RAD54L: variants seen among roughly 807,000 people sequenced by gnomAD.
RAD54L encodes the protein RAD54 like.
RAD54L carries 74 observed loss-of-function variants against 91.6 expected under a neutral mutation model. That is an observed-to-expected ratio of 0.81 (90% CI 0.67 to 0.98). The LOEUF (loss-of-function observed/expected upper bound fraction) is 0.98, where lower values mean the gene tolerates loss of function less well. Ranked by LOEUF, RAD54L falls within the 50% of genes least tolerant of loss-of-function variation. RAD54L has a pLI of 0.00. For missense variants in RAD54L, 887 were observed against 945.7 expected, an observed-to-expected ratio of 0.94 and a Z score of 0.81; for synonymous variants, 304 against 349.7, an observed-to-expected ratio of 0.87 and a Z score of 1.46.
Position 46,267,498 on chromosome 1 carries a change from G to A in RAD54L, c.931G>A (p.Ala311Thr). Reference sequence around the variant, plus strand: ...GAACTCTGAGAATCAGACTTACCAAGCCCTGGACAGCTTGAACACCAGCCG... The same window carrying A: ...GAACTCTGAGAATCAGACTTACCAAACCCTGGACAGCTTGAACACCAGCCG... ...LKNSENQTYQ[A>T]LDSLNTSRRV... is the part of the protein sequence containing the mutation. The change falls in exon 9 of 18, where the codon GCC becomes ACC. Residue 311 changes from alanine (A) to threonine (T), a missense_variant. Ala to Thr is a moderately conservative substitution (Grantham distance 58). Transcript: ENST00000371975. The A allele has an allele frequency of 6.2e-7, 1 of 1,614,160 alleles. No homozygotes were observed. The highest frequency in any genetic ancestry group is 2.2e-5 in the East Asian group (1 of 44,880).
At chr1:46,271,331 GCCTGGCTA>G (rs1660420198) in intron 10 of RAD54L, among the ~76,000 whole-genome samples, 1 of 152,104 alleles carries the variant, frequency 6.6e-6, no homozygotes. Flanking sequence ...CCCAACAACT[GCCTGGCTA>G]CCTGGCTACC....
At position 46,273,711 on chromosome 1, in the gene RAD54L, C is replaced by T; in HGVS notation, c.1574C>T (p.Thr525Ile). 2 of 1,612,488 alleles carry T rather than the reference C, an allele frequency of 1.2e-6. No homozygotes were observed. The highest frequency in any genetic ancestry group is 1.7e-6 in the Non-Finnish European group (2 of 1,179,314). The stretch of plus-strand genomic sequence containing the variant: ...GTGCTGGTGTCGAATTACACCCAGA[C>T]TTTGGATCTCTTTGAGAAGCTGTGC... ...KVVLVSNYTQ[T>I]LDLFEKLCRA... Residue 525 changes from threonine (T) to isoleucine (I), a missense_variant, in exon 14 of 18, where the codon ACT (threonine) becomes ATT (isoleucine). Coordinates refer to ENST00000371975, the MANE Select transcript of RAD54L (RefSeq NM_003579.4).
rs1660658627 is a variant in RAD54L at position 46,277,829 on chromosome 1, G to A, written c.1882G>A (p.Glu628Lys). ...TCCTCTTCCCCAGGCAGGGACCATT[G>A]AGGAGAAGATCTTCCAGCGTCAGAG... is the stretch of plus-strand genomic sequence containing the variant. ...IYRLLSAGTI[E>K]EKIFQRQSHK... Residue 628 changes from glutamate (E) to lysine (K), a missense_variant, in exon 17 of 18, where the codon GAG (glutamate) becomes AAG (lysine). Transcript: ENST00000371975. 1 of 1,609,164 alleles carries A rather than the reference G, an allele frequency of 6.2e-7. No individual in the cohort carries two copies. Among genetic ancestry groups the A allele is most frequent in the Non-Finnish European group, 8.5e-7 (1 of 1,175,878 alleles).
Position 46,250,029 on chromosome 1 carries a change from G to A in RAD54L, c.120G>A (p.Glu40=). The change falls in exon 3 of 18, where the codon GAG becomes GAA. Residue 40 remains glutamate (E), a synonymous_variant. Coordinates refer to ENST00000371975, the MANE Select transcript of RAD54L (RefSeq NM_003579.4). The part of the protein sequence containing the change: ...VTPRKRKSSS[E]TQIQECFLSP... Reference sequence around the variant, plus strand: ...CTAGGAAACGGAAATCCAGCAGTGAGACCCAGATCCAGGAGTGTTTCCTGT... The same window carrying A: ...CTAGGAAACGGAAATCCAGCAGTGAAACCCAGATCCAGGAGTGTTTCCTGT... 6.2e-7 allele frequency: 1 copy of A among 1,614,100 alleles called. No homozygotes were observed. Among genetic ancestry groups the A allele is most frequent in the Non-Finnish European group, 8.5e-7 (1 of 1,179,968 alleles).
At chr1:46,258,884 C>T in intron 4 of RAD54L, 138 bp downstream of exon 4, 2 of 709,496 alleles carry the variant, frequency 2.8e-6, no homozygotes, top group South Asian at 3.1e-5. Context: ...TTGGGGTGAC[C>T]CTCCTGAGGC....
Position 46,250,001 on chromosome 1 carries a change from C to T in RAD54L, c.92C>T (p.Thr31Ile). The change falls in exon 3 of 18, where the codon ACT (threonine) becomes ATT (isoleucine). Residue 31 changes from threonine (T) to isoleucine (I), a missense_variant and splice_region_variant. Physicochemically the swap from Thr to Ile is moderately conservative, Grantham distance 89. Coordinates refer to ENST00000371975, the MANE Select transcript of RAD54L (RefSeq NM_003579.4). Reference protein sequence around the residue: ...DDEDWQPGLVTPRKRKSSSET... With the variant: ...DDEDWQPGLVIPRKRKSSSET... ...ACCTTTCCCAATTCTCTCTCCTAGACTCCTAGGAAACGGAAATCCAGCAGT... is the reference window on the plus strand; with the variant it reads ...ACCTTTCCCAATTCTCTCTCCTAGATTCCTAGGAAACGGAAATCCAGCAGT... The T allele has an allele frequency of 6.2e-7, 1 of 1,613,878 alleles. No individual in the cohort carries two copies. The highest frequency in any genetic ancestry group is 8.5e-7 in the Non-Finnish European group (1 of 1,179,778).
At position 46,274,172 on chromosome 1, in the gene RAD54L, A is replaced by G; in HGVS notation, c.1645A>G (p.Ile549Val). ...LYVRLDGTMS[I>V]KKRAKVVERF... ...CGTCCGCCTGGATGGCACGATGTCC[A>G]TTAAGAAGCGAGCCAAGGTTGTAGA... Residue 549 changes from isoleucine to valine, a missense_variant, in exon 15 of 18, where the codon ATT (isoleucine) becomes GTT (valine). Coordinates refer to ENST00000371975, the MANE Select transcript of RAD54L (RefSeq NM_003579.4). The G allele has an allele frequency of 6.2e-7, 1 of 1,614,078 alleles. No homozygotes were observed. Among genetic ancestry groups the G allele is most frequent in the Non-Finnish European group, 8.5e-7 (1 of 1,179,916 alleles).
At chr1:46,272,991 A>G (rs1010147733) in intron 12 of RAD54L, among the ~76,000 whole-genome samples, 189 bp downstream of exon 12, 1 of 152,180 alleles carries the variant, frequency 6.6e-6, no homozygotes, top group African/African-American at 2.4e-5. Flanking sequence ...TTTGCTTTGG[A>G]AAATTGAACT....
At chr1:46,264,731 C>T (rs148653318) in intron 8 of RAD54L, among the ~76,000 whole-genome samples, 25 of 152,356 alleles carry the variant, frequency 1.6e-4, no homozygotes, top group African/African-American at 4.3e-4. Context: ...CTAGCGAGTA[C>T]ATAGTAAGCT....
chr1:46,253,804 T>C (rs993745913), intron 3 of RAD54L, among the ~76,000 whole-genome samples: 1 of 137,208 alleles, frequency 7.3e-6, no homozygotes, highest in African/African-American at 2.6e-5. Flanking sequence ...TTGGCTCACC[T>C]GCTTACTTAT....
rs1162693010 is a variant in RAD54L, at chr1:46,272,025, C to CTTTTTTTTTTTTT, written c.1170-419_1170-407dup. ...GATGTGTTTGACATAGGTCTGATGA[C>CTTTTTTTTTTTTT]TTTTTTTTTTTTTTTTTTTTTTTTT... On this transcript the variant is annotated intron_variant, in intron 10 of 17. Coordinates refer to ENST00000371975, the MANE Select transcript of RAD54L (RefSeq NM_003579.4). Among the ~76,000 whole-genome samples the CTTTTTTTTTTTTT allele has an allele frequency of 3.7e-3, 154 of 41,168 alleles. 34 individuals are homozygous for CTTTTTTTTTTTTT. Among genetic ancestry groups the CTTTTTTTTTTTTT allele is most frequent in the Admixed American group, 4.7e-3 (11 of 2,330 alleles). The allele number at this position is 41,168 out of a possible 152,430, so 27.0% of individuals were successfully genotyped here.
Position 46,274,286 on chromosome 1 carries a change from A to G in RAD54L, c.1689+70A>G, listed in dbSNP as rs1660529053. 11 of 1,499,212 alleles carry G rather than the reference A, an allele frequency of 7.3e-6. No homozygotes were observed. In the South Asian group the frequency reaches 8.1e-5, roughly 11 times the overall value. 92.9% of individuals were successfully genotyped at this position (1,499,212 alleles called of 1,614,324 possible). On this transcript the variant is annotated intron_variant, in intron 15 of 17. Coordinates refer to ENST00000371975, the MANE Select transcript of RAD54L (RefSeq NM_003579.4). The stretch of plus-strand genomic sequence containing the variant: ...AGAATTAAGGAATGATAGAGAAGCT[A>G]TAAGGGGTTACCTTGATTTTTTTTT...
chr1:46,260,918 G>C lies in RAD54L; in HGVS notation c.669G>C (p.Val223=). 6.2e-7 allele frequency: 1 copy of C among 1,614,250 alleles called. No individual in the cohort carries two copies. The highest frequency in any genetic ancestry group is 1.3e-5 in the African/African-American group (1 of 75,072). Residue 223 remains valine, a synonymous_variant, in exon 7 of 18, where the codon GTG becomes GTC. Coordinates refer to ENST00000371975, the MANE Select transcript of RAD54L (RefSeq NM_003579.4). The part of the protein sequence containing the change: ...KAVVVSPSSL[V]KNWYNEVGKW... ...TGGTGGTGTCGCCTTCCAGCCTGGT[G>C]AAGAACTGGTACAATGAGGTTGGGA...
chr1:46,251,045 A>G (rs1659784626), intron 3 of RAD54L, among the ~76,000 whole-genome samples: 1 of 151,944 alleles, frequency 6.6e-6, no homozygotes, highest in South Asian at 2.1e-4. Flanking sequence ...GCAGTGGCTC[A>G]CGCCTGTAAT....
At position 46,277,903 on chromosome 1, in the gene RAD54L, A is replaced by T; in HGVS notation, c.1956A>T (p.Val652=). The T allele has an allele frequency of 6.2e-7, 1 of 1,614,134 alleles. No individual in the cohort carries two copies. ...SSCVVDEEQD[V]ERHFSLGELK... is the part of the protein sequence containing the mutation. ...GTGTGGTGGATGAGGAGCAGGATGTAGAGCGCCACTTCTCTCTGGGCGAGT... is the reference window on the plus strand; with the variant it reads ...GTGTGGTGGATGAGGAGCAGGATGTTGAGCGCCACTTCTCTCTGGGCGAGT... The change falls in exon 17 of 18, where the codon GTA becomes GTT. Residue 652 remains valine (V), a synonymous_variant. Coordinates refer to ENST00000371975, the MANE Select transcript of RAD54L (RefSeq NM_003579.4).
Position 46,258,740 on chromosome 1 carries a change from T to G in RAD54L, c.265T>G (p.Tyr89Asp). 6.3e-7 allele frequency: 1 copy of G among 1,597,548 alleles called. No homozygotes were observed. Among genetic ancestry groups the G allele is most frequent in the Non-Finnish European group, 8.6e-7 (1 of 1,164,840 alleles). ...SKPFKVPIPN[Y>D]QGPLGSRALG... ...GCCTTTCAAAGTCCCCATTCCAAAT[T>G]ATCAAGGTAAAATGGAGGTTTTTCT... The change falls in exon 4 of 18, where the codon TAT (tyrosine) becomes GAT (aspartate). Residue 89 changes from tyrosine to aspartate, a missense_variant. Physicochemically the swap from Tyr to Asp is radical, Grantham distance 160. Transcript: ENST00000371975.
intron 9 of RAD54L, among the ~76,000 whole-genome samples, chr1:46,270,150 G>A (rs1231319836): frequency 6.6e-6 from 1 of 151,888 alleles, no homozygotes; most frequent in African/African-American, 2.4e-5. Context: ...CGGGCAGATC[G>A]CGAGATCAGG....
chr1:46,272,252 A>C (rs1660452956), intron 10 of RAD54L, among the ~76,000 whole-genome samples: 1 of 151,868 alleles, frequency 6.6e-6, no homozygotes, highest in African/African-American at 2.4e-5. Context: ...CATTTTGGCC[A>C]GGCTGGTCTT....
chr1:46,248,887 C>G (rs1659726447), intron 2 of RAD54L, among the ~76,000 whole-genome samples: 1 of 152,164 alleles, frequency 6.6e-6, no homozygotes, highest in South Asian at 2.1e-4. Flanking sequence ...AAGGGCTACA[C>G]AACAGCAATT....
Sources: gnomAD v4.1 joint callset for allele counts (sites outside exome capture counted in the v4.1 genomes callset) on GRCh38, gnomAD v4.1.1 for gene constraint, MANE v1.5 for transcripts, NCBI Gene and HGNC (gene_info 2026-07-23, HGNC 2026-07-21) for gene names.